The following TMCC3 variants were observed in gnomAD, a reference collection of about 807,000 sequenced individuals.
The protein encoded by TMCC3 is transmembrane and coiled-coil domain protein 3.
TMCC3 carries 28 observed loss-of-function variants against 40.2 expected under a neutral mutation model. The observed-to-expected ratio is 0.70, with a 90% CI of 0.52 to 0.95. The LOEUF (loss-of-function observed/expected upper bound fraction) is 0.95, where lower values mean the gene tolerates loss of function less well. Among genes scored for constraint, TMCC3 ranks in the 40% least tolerant of loss-of-function variants. The pLI is 0.00. For missense variants in TMCC3, 554 were observed against 615.2 expected (o/e 0.90, Z 1.05); for synonymous variants, 255 against 248.5 (o/e 1.03, Z -0.25).
At chr12:94,627,522 C>T (rs2068910243) in intron 1 of TMCC3, among the ~76,000 whole-genome samples, 1 of 152,326 alleles carries the variant, frequency 6.6e-6, no homozygotes, top group East Asian at 1.9e-4. Flanking sequence ...CCCACCACCT[C>T]TCAGACCCCA....
chr12:94,630,214 C>T (rs914903376), intron 1 of TMCC3, among the ~76,000 whole-genome samples: 1 of 150,830 alleles, frequency 6.6e-6, no homozygotes, highest in African/African-American at 2.4e-5. Context: ...AAGAACGTGT[C>T]GCTGCACTCC....
rs533774772 is a variant in TMCC3, at chr12:94,640,874, C to T, written c.78+9479G>A. Among the ~76,000 whole-genome samples the T allele has an allele frequency of 8.7e-4, 133 of 152,160 alleles. 3 individuals are homozygous for T. The highest frequency in any genetic ancestry group is 3.4e-3 in the Middle Eastern group (1 of 294). On this transcript the variant is annotated intron_variant, in intron 1 of 3. Transcript: ENST00000261226. ...CTTAAGAGAGGGATGTTGGGGGCAACGAGGAAAAGACAGATGATCGACATT... is the reference window on the plus strand; with the variant it reads ...CTTAAGAGAGGGATGTTGGGGGCAATGAGGAAAAGACAGATGATCGACATT...
chr12:94,618,393 C>T (rs951295769), intron 1 of TMCC3, among the ~76,000 whole-genome samples: 3 of 152,204 alleles, frequency 2.0e-5, no homozygotes, highest in Non-Finnish European at 2.9e-5. Context: ...GTTCAGTATA[C>T]CTACCTCACA....
intron 1 of TMCC3, chr12:94,591,205 C>A (rs750910336): frequency 1.4e-5 from 3 of 217,132 alleles, no homozygotes; most frequent in African/African-American, 2.4e-5. Context: ...AAAAGAGAAA[C>A]CTGCATACAT....
intron 1 of TMCC3, among the ~76,000 whole-genome samples, chr12:94,612,300 GT>G (rs1386628493): frequency 6.6e-6 from 1 of 150,816 alleles, no homozygotes; most frequent in Admixed American, 6.6e-5. Flanking sequence ...TGCCCAAATG[GT>G]TCTCAAGTTT....
chr12:94,591,997 T>G (rs998576070), intron 1 of TMCC3, among the ~76,000 whole-genome samples: 3 of 152,194 alleles, frequency 2.0e-5, no homozygotes, highest in African/African-American at 7.2e-5. Context: ...TATTACTACC[T>G]TCATGGGACA....
chr12:94,578,165 A>AAAAGAAAG (rs1555281322), intron 3 of TMCC3, among the ~76,000 whole-genome samples: 2 of 123,366 alleles, frequency 1.6e-5, no homozygotes, highest in African/African-American at 6.8e-5. Flanking sequence ...AAAAAAAAAA[A>AAAAGAAAG]AAAGAAAAAG....
intron 1 of TMCC3, among the ~76,000 whole-genome samples, chr12:94,608,920 T>C (rs1303413137): frequency 6.6e-6 from 1 of 152,246 alleles, no homozygotes; most frequent in African/African-American, 2.4e-5. Context: ...ATACTAGTTA[T>C]GTTTAGTGTA....
chr12:94,571,909 C>G (rs891489111), intron 3 of TMCC3, among the ~76,000 whole-genome samples, 172 bp from the exon 4 acceptor site: 2 of 152,210 alleles, frequency 1.3e-5, no homozygotes, highest in Admixed American at 1.3e-4. Flanking sequence ...ACAAGAATCC[C>G]AGGCTCATTT....
intron 1 of TMCC3, among the ~76,000 whole-genome samples, chr12:94,587,057 C>T (rs142621327): frequency 5.8e-4 from 88 of 152,354 alleles, no homozygotes; most frequent in African/African-American, 2.0e-3. Flanking sequence ...TCCCTGAACA[C>T]AAACTGAAAT....
chr12:94,599,262 T>C (rs1245042877), intron 1 of TMCC3, among the ~76,000 whole-genome samples: 2 of 152,194 alleles, frequency 1.3e-5, no homozygotes, highest in Middle Eastern at 6.3e-3. Context: ...GTGTTGGCCA[T>C]GGTTTATTAA....
At chr12:94,625,263 G>C (rs1252259440) in intron 1 of TMCC3, among the ~76,000 whole-genome samples, 3 of 151,686 alleles carry the variant, frequency 2.0e-5, no homozygotes, top group Non-Finnish European at 4.4e-5. Context: ...TCTTTTGGTG[G>C]GGGACACAGG....
chr12:94,615,322 G>C (rs1393921424), intron 1 of TMCC3, among the ~76,000 whole-genome samples: 1 of 152,122 alleles, frequency 6.6e-6, no homozygotes, highest in African/African-American at 2.4e-5. Flanking sequence ...GTCCAAGCAT[G>C]GTCCGAGGAG....
intron 1 of TMCC3, among the ~76,000 whole-genome samples, chr12:94,597,020 C>T (rs1217350908): frequency 2.6e-5 from 4 of 151,614 alleles, no homozygotes; most frequent in Admixed American, 2.6e-4. Flanking sequence ...TGGCTCATGC[C>T]TATAATCCCA....
intron 1 of TMCC3, among the ~76,000 whole-genome samples, chr12:94,635,769 G>C (rs181707999): frequency 6.8e-6 from 1 of 148,102 alleles, no homozygotes; most frequent in Non-Finnish European, 1.5e-5. Context: ...TCCCAGGTTC[G>C]AGCAATTCTG....
At chr12:94,592,387 C>T (rs528999883) in intron 1 of TMCC3, among the ~76,000 whole-genome samples, 2 of 151,956 alleles carry the variant, frequency 1.3e-5, no homozygotes, top group South Asian at 4.2e-4. Flanking sequence ...CACTTGTAAT[C>T]TAAGTACTTT....
Position 94,612,561 on chromosome 12 carries a change from C to T in TMCC3, c.79-30023G>A, listed in dbSNP as rs571353796. On this transcript the variant is annotated intron_variant, in intron 1 of 3. Coordinates refer to ENST00000261226, the MANE Select transcript of TMCC3 (RefSeq NM_020698.4). ...TCTTGACCTTGTGATCCACCCGCCT[C>T]GGCCCCCAAAGTGCTGGGATTACAG... 7.9e-5 allele frequency among the ~76,000 whole-genome samples: 12 copies of T among 152,146 alleles called. No individual in the cohort carries two copies. In the South Asian group the frequency reaches 2.1e-3, roughly 26 times the overall value.
chr12:94,618,204 T>C lies in TMCC3; in HGVS notation c.78+32149A>G, dbSNP rs193166098. On this transcript the variant is annotated intron_variant, in intron 1 of 3. Coordinates refer to ENST00000261226, the MANE Select transcript of TMCC3 (RefSeq NM_020698.4). ...TTTCTTCAGCGTTTGCCTTTAAATT[T>C]GGGATCTAACTTGTCTTTACCTATT... is the stretch of plus-strand genomic sequence containing the variant. 1.2e-3 allele frequency among the ~76,000 whole-genome samples: 177 copies of C among 152,354 alleles called. 1 individual carries two copies. Among genetic ancestry groups the C allele is most frequent in the Non-Finnish European group, 1.8e-3 (121 of 68,024 alleles).
intron 1 of TMCC3, among the ~76,000 whole-genome samples, chr12:94,648,355 T>C (rs2138891764): frequency 6.6e-6 from 1 of 152,034 alleles, no homozygotes; most frequent in South Asian, 2.1e-4. Context: ...CCCTCCCGAG[T>C]AGCTGGGATT....
Sources: allele counts gnomAD v4.1 joint callset (sites outside exome capture counted in the v4.1 genomes callset), GRCh38; gene constraint gnomAD v4.1.1; transcripts MANE v1.5; gene names NCBI Gene and HGNC (gene_info 2026-07-23, HGNC 2026-07-21).